ASRGL1: variants seen among roughly 807,000 people sequenced by gnomAD.
ASRGL1 encodes the protein asparaginase and isoaspartyl peptidase 1.
A neutral mutation model predicts 22.4 loss-of-function variants in ASRGL1; 16 were observed. The observed-to-expected ratio is 0.71, with a 90% CI of 0.48 to 1.08. ASRGL1 has a LOEUF of 1.08. Ranked by LOEUF, ASRGL1 falls within the 50% of genes least tolerant of loss-of-function variation. The pLI, the probability that ASRGL1 is intolerant of heterozygous loss-of-function variation, is 0.00. For synonymous variants in ASRGL1, 165 were observed against 159.3 expected (o/e 1.04, Z -0.27); for missense variants, 412 against 410.1 (o/e 1.00, Z -0.04).
chr11:62,358,134 C>T (rs976070742), intron 4 of ASRGL1, among the ~76,000 whole-genome samples: 1 of 152,156 alleles, frequency 6.6e-6, no homozygotes, highest in Non-Finnish European at 1.5e-5. Context: ...TTTGGGAGGC[C>T]GAGGCGGACG....
At chr11:62,391,345 G>A (rs1421327038) in intron 5 of ASRGL1, among the ~76,000 whole-genome samples, 177 bp from the exon 6 acceptor site, 1 of 152,150 alleles carries the variant, frequency 6.6e-6, no homozygotes, top group Non-Finnish European at 1.5e-5. Context: ...TAAATTCTGG[G>A]GCATCTACAT....
chr11:62,338,331 C>T (rs1170966659), intron 2 of ASRGL1, 164 bp downstream of exon 2: 2 of 788,666 alleles, frequency 2.5e-6, no homozygotes, highest in Non-Finnish European at 3.8e-6. Flanking sequence ...TGAAAAGAGT[C>T]AAACGCTAAA....
chr11:62,360,159 C>T (rs1381292830), intron 4 of ASRGL1, among the ~76,000 whole-genome samples: 4 of 151,596 alleles, frequency 2.6e-5, no homozygotes, highest in East Asian at 1.9e-4. Context: ...TCCTGAGTAG[C>T]TGGTATTACA....
At chr11:62,362,846 C>CACA (rs1555003175) in intron 4 of ASRGL1, among the ~76,000 whole-genome samples, 6 of 31,136 alleles carry the variant, frequency 1.9e-4, no homozygotes, top group South Asian at 1.3e-3. Flanking sequence ...ACACACACAT[C>CACA]CATATAAATA....
At chr11:62,359,417 G>A (rs1009514601) in intron 4 of ASRGL1, among the ~76,000 whole-genome samples, 1 of 151,958 alleles carries the variant, frequency 6.6e-6, no homozygotes, top group Non-Finnish European at 1.5e-5. Context: ...TTGCACTCCA[G>A]CCTGGGCAAC....
intron 4 of ASRGL1, among the ~76,000 whole-genome samples, chr11:62,379,718 T>A (rs991371032): frequency 4.6e-5 from 7 of 152,154 alleles, no homozygotes; most frequent in African/African-American, 1.7e-4. Flanking sequence ...ACACTGCCGC[T>A]TGTGGCAGGG....
At position 62,385,986 on chromosome 11, in the gene ASRGL1, A is replaced by AC. The variant is rs372980695; in HGVS notation, c.492-3143dup. Among the ~76,000 whole-genome samples, 635 of 152,150 alleles carry AC rather than the reference A, an allele frequency of 4.2e-3. 3 individuals are homozygous for AC. The highest frequency in any genetic ancestry group is 0.015 in the African/African-American group (603 of 41,512). ...AGACCAGCCTGGCCAACATAGTGAA[A>AC]CCCCATCTCTACTAAAAATACAAAA... On this transcript the variant is annotated intron_variant, in intron 4 of 6. Transcript: ENST00000415229.
chr11:62,361,325 G>A (rs1946427530), intron 4 of ASRGL1, among the ~76,000 whole-genome samples: 1 of 151,804 alleles, frequency 6.6e-6, no homozygotes, highest in South Asian at 2.1e-4. Context: ...CCAAGTAGGT[G>A]GGACTACAGG....
At chr11:62,350,186 T>C (rs1013393060) in intron 2 of ASRGL1, among the ~76,000 whole-genome samples, 2 of 152,208 alleles carry the variant, frequency 1.3e-5, no homozygotes, top group Non-Finnish European at 2.9e-5. Flanking sequence ...GACGGAATCA[T>C]ACAGTATGTG....
chr11:62,378,612 G>A (rs555218071), intron 4 of ASRGL1, among the ~76,000 whole-genome samples: 4 of 152,278 alleles, frequency 2.6e-5, no homozygotes, highest in East Asian at 3.9e-4. Context: ...AGGGCAACCC[G>A]GGTTGGAGAG....
chr11:62,372,597 G>T (rs10792346), intron 4 of ASRGL1: 346,108 of 875,432 alleles, frequency 0.4, 72,052 homozygotes, highest in Middle Eastern at 0.44. Flanking sequence ...ACCAAATATG[G>T]TTATGCGAGA....
chr11:62,363,101 T>G (rs991960346), intron 4 of ASRGL1, among the ~76,000 whole-genome samples: 3 of 150,420 alleles, frequency 2.0e-5, no homozygotes, highest in Non-Finnish European at 3.0e-5. Context: ...GCCCGGCTAA[T>G]TTTTTGTATT....
chr11:62,362,068 T>C (rs1027834666), intron 4 of ASRGL1, among the ~76,000 whole-genome samples: 1 of 152,174 alleles, frequency 6.6e-6, no homozygotes, highest in Non-Finnish European at 1.5e-5. Context: ...GAAGCTTGGC[T>C]AAGAATCCAG....
At chr11:62,372,358 T>C in intron 4 of ASRGL1, 1 of 1,572,004 alleles carries the variant, frequency 6.4e-7, no homozygotes. Context: ...GTGCAGATAA[T>C]GTACAACAGC....
At chr11:62,357,473 G>C (rs1946331981) in intron 4 of ASRGL1, among the ~76,000 whole-genome samples, 1 of 145,620 alleles carries the variant, frequency 6.9e-6, no homozygotes, top group South Asian at 2.2e-4. Flanking sequence ...TGTTGGCCAG[G>C]CTGGTCTCAA....
At chr11:62,371,798 A>C in intron 4 of ASRGL1, 2 of 467,184 alleles carry the variant, frequency 4.3e-6, no homozygotes, top group Non-Finnish European at 7.9e-6. Context: ...TAAAAATACA[A>C]AAAAAATTAG....
the ASRGL1 span, among the ~76,000 whole-genome samples, chr11:62,401,051 A>G: frequency 6.6e-6 from 1 of 152,320 alleles, no homozygotes; most frequent in Admixed American, 6.5e-5. Flanking sequence ...GGCCTGGGAA[A>G]GCCTCTCCAC....
At chr11:62,399,352 T>C in the ASRGL1 span, among the ~76,000 whole-genome samples, 6 of 152,196 alleles carry the variant, frequency 3.9e-5, no homozygotes, top group Non-Finnish European at 8.8e-5. Flanking sequence ...GAGTTCTCAC[T>C]TGGACTCGTG....
chr11:62,382,603 A>C (rs557315876), intron 4 of ASRGL1: 15 of 151,920 alleles, frequency 9.9e-5, no homozygotes, highest in African/African-American at 3.6e-4. Context: ...CTCTTATCAC[A>C]ACTGCAAAGA....
Sources: gnomAD v4.1 joint callset for allele counts (sites outside exome capture counted in the v4.1 genomes callset) on GRCh38, gnomAD v4.1.1 for gene constraint, MANE v1.5 for transcripts, NCBI Gene and HGNC (gene_info 2026-07-23, HGNC 2026-07-21) for gene names.